Variants in MAPK10 observed in about 807,000 individuals in gnomAD.
The protein encoded by MAPK10 is JNK3 alpha protein kinase.
Under a neutral mutation model 59.3 loss-of-function variants are expected in MAPK10, and 25 were observed. The ratio of observed to expected loss-of-function variants is 0.42; its 90% confidence interval spans 0.31 to 0.59. The LOEUF (loss-of-function observed/expected upper bound fraction) is 0.59, where lower values mean the gene tolerates loss of function less well. MAPK10 is among the 20% of genes least tolerant of loss of function. The pLI, the probability that MAPK10 is intolerant of heterozygous loss-of-function variation, is 0.15. For missense variants in MAPK10, 351 were observed against 568.9 expected, an observed-to-expected ratio of 0.62 and a Z score of 3.90; for synonymous variants, 190 against 200.5, an observed-to-expected ratio of 0.95 and a Z score of 0.44.
chr4:86,593,970 G>GT (rs1763327877), exon 1 of MAPK10: 1 of 152,220 alleles, frequency 6.6e-6, no homozygotes, highest in Non-Finnish European at 1.5e-5. Flanking sequence ...AGTTAGAAGT[G>GT]TGGGGGTCGT....
At chr4:86,194,045 C>T (rs1392778115) in intron 3 of MAPK10, 1 of 347,432 alleles carries the variant, frequency 2.9e-6, no homozygotes, top group Non-Finnish European at 5.3e-6. Flanking sequence ...CGACACCCCA[C>T]CCTGCTTCAG....
At chr4:86,077,526 T>C (rs1227409940) in intron 9 of MAPK10, among the ~76,000 whole-genome samples, 1 of 152,210 alleles carries the variant, frequency 6.6e-6, no homozygotes, top group Non-Finnish European at 1.5e-5. Context: ...TAAGGAACTA[T>C]TTAATGGCCT....
At chr4:86,464,877 C>T (rs1291117671) in intron 1 of MAPK10, among the ~76,000 whole-genome samples, 1 of 152,052 alleles carries the variant, frequency 6.6e-6, no homozygotes, top group Non-Finnish European at 1.5e-5. Flanking sequence ...TCATACACCT[C>T]TTCCGGGACT....
chr4:86,094,387 G>A (rs1239784536), intron 9 of MAPK10, among the ~76,000 whole-genome samples: 1 of 151,942 alleles, frequency 6.6e-6, no homozygotes, highest in African/African-American at 2.4e-5. Flanking sequence ...TATTTTAGCA[G>A]TCCAGCTGTT....
intron 1 of MAPK10, among the ~76,000 whole-genome samples, chr4:86,494,705 T>C (rs1268070868): frequency 1.3e-5 from 2 of 151,292 alleles, no homozygotes; most frequent in African/African-American, 4.9e-5. Context: ...TAGCTGGCCG[T>C]GGTGGCGGGT....
In MAPK10 at chr4:86,073,763, T is replaced by G. The variant is rs1392571369; in HGVS notation, c.803-5808A>C. ...ATTGCACTGTGGTCTGAGAGATAGT[T>G]TGTTATAATTTCTGTTCTTTTACAT... On this transcript the variant is annotated intron_variant, in intron 9 of 13. Coordinates refer to ENST00000641462, the MANE Select transcript of MAPK10 (RefSeq NM_138982.4). Among the ~76,000 whole-genome samples, 29 of 107,938 alleles carry G rather than the reference T, an allele frequency of 2.7e-4. 4 individuals carry two copies. In the East Asian group the frequency reaches 5.7e-3, roughly 21 times the overall value. The allele number at this position is 107,938 out of a possible 152,430, so 70.8% of individuals were successfully genotyped here.
chr4:86,130,811 T>A (rs2060868833), intron 4 of MAPK10, among the ~76,000 whole-genome samples: 1 of 152,106 alleles, frequency 6.6e-6, no homozygotes, highest in Non-Finnish European at 1.5e-5. Context: ...AAATTGTCAC[T>A]TAGGGCAGTA....
At chr4:86,289,493 T>C (rs2148818009) in intron 2 of MAPK10, among the ~76,000 whole-genome samples, 1 of 151,970 alleles carries the variant, frequency 6.6e-6, no homozygotes, top group Admixed American at 6.6e-5. Flanking sequence ...TTAATATGCA[T>C]AAATATTTTC....
intron 1 of MAPK10, among the ~76,000 whole-genome samples, chr4:86,410,462 G>C (rs897854893): frequency 1.3e-5 from 2 of 152,190 alleles, no homozygotes; most frequent in African/African-American, 4.8e-5. Flanking sequence ...GATTGGAATA[G>C]TTTCAGAAAG....
chr4:86,202,981 G>A (rs989409815), intron 2 of MAPK10, among the ~76,000 whole-genome samples: 1 of 151,902 alleles, frequency 6.6e-6, no homozygotes, highest in African/African-American at 2.4e-5. Flanking sequence ...CTGGTAGCAT[G>A]GCAGAGAGCA....
At chr4:86,168,123 A>G (rs940940185) in intron 3 of MAPK10, among the ~76,000 whole-genome samples, 3 of 152,236 alleles carry the variant, frequency 2.0e-5, no homozygotes, top group Non-Finnish European at 2.9e-5. Flanking sequence ...TACAGCTCCC[A>G]GTCTGAGCGA....
At chr4:86,528,461 T>A (rs1253162922) in intron 1 of MAPK10, among the ~76,000 whole-genome samples, 1 of 152,206 alleles carries the variant, frequency 6.6e-6, no homozygotes, top group East Asian at 1.9e-4. Context: ...CATATAATTA[T>A]TTTTAAACCT....
At chr4:86,068,594 T>C (rs2047169742) in intron 9 of MAPK10, among the ~76,000 whole-genome samples, 1 of 152,126 alleles carries the variant, frequency 6.6e-6, no homozygotes, top group Admixed American at 6.5e-5. Flanking sequence ...ACTGATGATA[T>C]CACTGAATAT....
At chr4:86,440,223 T>C (rs1166688571) in intron 1 of MAPK10, among the ~76,000 whole-genome samples, 1 of 152,158 alleles carries the variant, frequency 6.6e-6, no homozygotes, top group East Asian at 1.9e-4. Flanking sequence ...TTCTTTGAAC[T>C]ACAAATTCCA....
rs753035899 is a variant in MAPK10 at position 86,101,964 on chromosome 4, C to T, written c.494G>A (p.Arg165Gln). The change falls in exon 7 of 14, where the codon CGA becomes CAA. Residue 165 changes from arginine (R) to glutamine (Q), a missense_variant. Around this residue, in one of 5 missense-constraint regions of MAPK10, gnomAD observed 76 missense variants for 197.9 expected, o/e 0.38. Coordinates refer to ENST00000641462, the MANE Select transcript of MAPK10 (RefSeq NM_138982.4). ...CATTTGGTACAGCAGGTAAGACATT[C>T]GCTCATGGTCTAATTCCATCTGAAT... is the stretch of plus-strand genomic sequence containing the variant. ...QVIQMELDHE[R>Q]MSYLLYQMLC... 3 of 1,613,944 alleles carry T rather than the reference C, an allele frequency of 1.9e-6. No homozygotes were observed. The highest frequency in any genetic ancestry group is 2.5e-6 in the Non-Finnish European group (3 of 1,179,844).
intron 2 of MAPK10, among the ~76,000 whole-genome samples, chr4:86,262,587 G>A (rs371551343): frequency 4.6e-5 from 7 of 152,126 alleles, no homozygotes; most frequent in Admixed American, 6.6e-5. Context: ...AACCTAGTAC[G>A]ATAACCATAT....
chr4:86,140,799 A>C (rs1581146961), intron 4 of MAPK10, among the ~76,000 whole-genome samples: 1 of 152,296 alleles, frequency 6.6e-6, no homozygotes, highest in East Asian at 1.9e-4. Context: ...ACACACACGC[A>C]TGCACGCATA....
chr4:86,400,185 G>T (rs11936320), intron 1 of MAPK10, among the ~76,000 whole-genome samples: 1 of 152,050 alleles, frequency 6.6e-6, no homozygotes, highest in East Asian at 1.9e-4. Flanking sequence ...ATATGTCTTA[G>T]GGTTAGACAA....
At position 86,103,206 on chromosome 4, in the gene MAPK10, C is replaced by A. The variant is rs904589484; in HGVS notation, c.405G>T (p.Thr135=). ...CTTACACATCTTGGAACTCCTCCAG[C>A]GTTTTCTGGGGTGTGAAGACATTTA... is the stretch of plus-strand genomic sequence containing the variant. The part of the protein sequence containing the change: ...SLLNVFTPQK[T]LEEFQDVYLV... Residue 135 remains threonine (T), a synonymous_variant, in exon 6 of 14, where the codon ACG becomes ACT. Transcript: ENST00000641462. The A allele has an allele frequency of 6.2e-7, 1 of 1,607,292 alleles. No homozygotes were observed. The highest frequency in any genetic ancestry group is 8.5e-7 in the Non-Finnish European group (1 of 1,175,238).
Sources: gnomAD v4.1 joint callset for allele counts (sites outside exome capture counted in the v4.1 genomes callset) on GRCh38, gnomAD v4.1.1 for gene constraint, gnomAD v4.1.1 regional missense constraint, MANE v1.5 for transcripts, NCBI Gene and HGNC (gene_info 2026-07-23, HGNC 2026-07-21) for gene names.